Variants in SYNE2 observed in about 807,000 individuals in gnomAD.
The protein encoded by SYNE2 is nesprin-2.
In SYNE2, 431 loss-of-function variants were observed where a neutral mutation model predicts 856.3. That is an observed-to-expected ratio of 0.50 (90% CI 0.47 to 0.55). The LOEUF (loss-of-function observed/expected upper bound fraction) is 0.55, where lower values mean the gene tolerates loss of function less well. Ranked by LOEUF, SYNE2 falls within the 20% of genes least tolerant of loss-of-function variation. SYNE2 has a pLI of 0.00. For synonymous variants in SYNE2, 2,923 were observed against 2,872.3 expected (o/e 1.02, Z -0.56); for missense variants, 8,129 against 8,023.2 (o/e 1.01, Z -0.50).
intron 45 of SYNE2, among the ~76,000 whole-genome samples, chr14:64,037,056 G>A (rs909135912): frequency 2.6e-5 from 4 of 152,102 alleles, no homozygotes; most frequent in African/African-American, 9.7e-5. Flanking sequence ...TTGGAACAGA[G>A]ACTGGAAGTG....
chr14:64,219,296 T>C lies in SYNE2; in HGVS notation c.19746T>C (p.Asp6582=). 1 of 1,614,020 alleles carries C rather than the reference T, an allele frequency of 6.2e-7. No individual in the cohort carries two copies. Among genetic ancestry groups the C allele is most frequent in the Non-Finnish European group, 8.5e-7 (1 of 1,180,008 alleles). The change falls in exon 110 of 116, where the codon GAT becomes GAC. Residue 6582 remains aspartate, a synonymous_variant. Transcript: ENST00000555002. Reference sequence around the variant, plus strand: ...AAAATTTGCAACAGCTGAACTCTGATATCAGCGCCATCACTACTTGGCTGA... The same window carrying C: ...AAAATTTGCAACAGCTGAACTCTGACATCAGCGCCATCACTACTTGGCTGA... ...IKQNLQQLNS[D]ISAITTWLKK...
chr14:64,102,456 AT>A (rs2097738956), intron 64 of SYNE2, among the ~76,000 whole-genome samples: 1 of 141,958 alleles, frequency 7.0e-6, no homozygotes, highest in Non-Finnish European at 1.5e-5. Flanking sequence ...GTAAAGAACT[AT>A]TTTGTTTAAA....
At chr14:63,974,895 T>C (rs1381548589) in intron 11 of SYNE2, among the ~76,000 whole-genome samples, 1 of 32,556 alleles carries the variant, frequency 3.1e-5, no homozygotes, top group East Asian at 1.4e-3. Context: ...TGTGTGTGTA[T>C]ATATATATAT....
At position 64,125,831 on chromosome 14, in the gene SYNE2, A is replaced by T. The variant is rs185849715; in HGVS notation, c.13555-496A>T. Among the ~76,000 whole-genome samples the T allele has an allele frequency of 2.1e-3, 323 of 152,156 alleles. 1 individual carries two copies. The highest frequency in any genetic ancestry group is 3.6e-3 in the Non-Finnish European group (246 of 67,996). On this transcript the variant is annotated intron_variant, in intron 71 of 115. Coordinates refer to ENST00000555002, the MANE Select transcript of SYNE2 (RefSeq NM_182914.3). Reference sequence around the variant, plus strand: ...GATTCTCACAATCGGCTCATAAATGACACTTTCCCCCTCCTCTGCAGCCTG... The same window carrying T: ...GATTCTCACAATCGGCTCATAAATGTCACTTTCCCCCTCCTCTGCAGCCTG...
At chr14:63,786,551 T>C (rs929109792) in intron 1 of SYNE2, among the ~76,000 whole-genome samples, 2 of 152,268 alleles carry the variant, frequency 1.3e-5, no homozygotes, top group East Asian at 3.8e-4. Context: ...TAATTGTTAT[T>C]TCTTGGGTCT....
chr14:64,221,639 A>G lies in SYNE2; in HGVS notation c.20125A>G (p.Lys6709Glu). The change falls in exon 112 of 116, where the codon AAG becomes GAG. Residue 6709 changes from lysine (K) to glutamate (E), a missense_variant. By Grantham distance (56) the Lys-to-Glu change is moderately conservative (BLOSUM62 1). This residue lies in a region of SYNE2 where 5,410 missense variants were observed against 5,284.8 expected (regional missense o/e 1.02). Coordinates refer to ENST00000555002, the MANE Select transcript of SYNE2 (RefSeq NM_182914.3). ...AGCGAGTGCCAAGAACCGGAGGCAG[A>G]AGGCTCATGTCACCGATCCAAAGGC... ...WLASAKNRRQ[K>E]AHVTDPKADP... is the part of the protein sequence containing the mutation. 1 of 1,614,126 alleles carries G rather than the reference A, an allele frequency of 6.2e-7. No homozygotes were observed.
At position 64,017,842 on chromosome 14, in the gene SYNE2, A is replaced by AT; in HGVS notation, c.5049+87dup. On this transcript the variant is annotated intron_variant, in intron 34 of 115. Transcript: ENST00000555002. Reference sequence around the variant, plus strand: ...ATGAATATAGTCAACAAACATTAGGATGCTCATATGTGACTTTGTTATCAA... The same window carrying AT: ...ATGAATATAGTCAACAAACATTAGGATTGCTCATATGTGACTTTGTTATCAA... The AT allele has an allele frequency of 4.5e-6, 6 of 1,321,028 alleles. No homozygotes were observed. In the South Asian group the frequency reaches 6.2e-5, roughly 14 times the overall value. The allele number at this position is 1,321,028 out of a possible 1,614,324, so 81.8% of individuals were successfully genotyped here.
At chr14:63,979,089 A>C (rs972471298) in intron 14 of SYNE2, 75 bp downstream of exon 14, 1 of 1,467,556 alleles carries the variant, frequency 6.8e-7, no homozygotes, top group Non-Finnish European at 9.5e-7. Context: ...CCTTGGCATG[A>C]TTTCCCATTA....
In SYNE2 at chr14:63,842,294, C is replaced by G. The variant is rs150591516; in HGVS notation, c.-304-10207C>G. ...TCAAGCAATTCTTGTGACCCAGACT[C>G]ACGAGTAGCTGGGATCACAGGCTAA... On this transcript the variant is annotated intron_variant, in intron 1 of 23. Transcript: ENST00000674003. Among the ~76,000 whole-genome samples the G allele has an allele frequency of 3.2e-3, 485 of 152,010 alleles. 1 individual carries two copies. The highest frequency in any genetic ancestry group is 0.011 in the African/African-American group (465 of 41,460).
In SYNE2 at chr14:64,024,808, ATAT is replaced by A. The variant is rs146265501; in HGVS notation, c.5841-100_5841-98del. On this transcript the variant is annotated intron_variant, in intron 39 of 115. Coordinates refer to ENST00000555002, the MANE Select transcript of SYNE2 (RefSeq NM_182914.3). ...AAATTCTCTCTAAATTATAACAAAC[ATAT>A]TATAAAAACCTGGTTGAGTCACAAG... 2.3e-3 allele frequency: 2,712 copies of A among 1,178,390 alleles called. 62 individuals are homozygous for A. The East Asian group carries it at 0.037, about 16-fold the overall frequency. 73.0% of individuals were successfully genotyped at this position (1,178,390 alleles called of 1,614,324 possible).
intron 98 of SYNE2, among the ~76,000 whole-genome samples, chr14:64,189,732 C>T (rs955838784): frequency 2.0e-5 from 3 of 152,120 alleles, no homozygotes; most frequent in Non-Finnish European, 4.4e-5. Flanking sequence ...AGTGCAGTGG[C>T]GAGATCATAG....
intron 1 of SYNE2, 141 bp from the exon 2 acceptor site, chr14:63,908,957 C>A: frequency 1.7e-6 from 1 of 584,184 alleles, no homozygotes; most frequent in Non-Finnish European, 3.1e-6. Flanking sequence ...CTTTGTTCTT[C>A]ATGAACCATG....
chr14:63,966,614 A>G (rs997016926), intron 10 of SYNE2, among the ~76,000 whole-genome samples: 49 of 147,746 alleles, frequency 3.3e-4, no homozygotes, highest in Admixed American at 2.1e-4. Context: ...GCTGTAGTGC[A>G]GTGGCCCGAT....
chr14:63,863,689 A>G (rs1403053145), intron 1 of SYNE2, among the ~76,000 whole-genome samples: 1 of 152,180 alleles, frequency 6.6e-6, no homozygotes, highest in Non-Finnish European at 1.5e-5. Flanking sequence ...TTGATAGAAT[A>G]ATGCATATTA....
At chr14:64,198,471 G>A (rs1454784785) in intron 99 of SYNE2, among the ~76,000 whole-genome samples, 2 of 152,208 alleles carry the variant, frequency 1.3e-5, no homozygotes, top group South Asian at 2.1e-4. Context: ...CAGTGCACCT[G>A]ATGAGTCCCA....
chr14:64,172,255 A>G (rs1244286888), intron 94 of SYNE2, among the ~76,000 whole-genome samples: 1 of 152,196 alleles, frequency 6.6e-6, no homozygotes, highest in East Asian at 1.9e-4. Flanking sequence ...AATGACACTC[A>G]TCATTCTGTC....
intron 2 of SYNE2, among the ~76,000 whole-genome samples, chr14:63,928,460 T>C (rs930228815): frequency 3.3e-5 from 5 of 152,260 alleles, no homozygotes; most frequent in African/African-American, 1.2e-4. Context: ...GAGCTTAGTC[T>C]TGGTACTATT....
chr14:63,900,548 C>A (rs1267915448), intron 1 of SYNE2, among the ~76,000 whole-genome samples: 5 of 152,164 alleles, frequency 3.3e-5, no homozygotes, highest in South Asian at 2.1e-4. Flanking sequence ...AATCACCCCC[C>A]ACTAGGTTCC....
intron 96 of SYNE2, among the ~76,000 whole-genome samples, chr14:64,181,539 A>T (rs567183274): frequency 3.9e-5 from 6 of 152,326 alleles, no homozygotes; most frequent in Middle Eastern, 3.4e-3. Flanking sequence ...AGTGGAAAGT[A>T]ATCAGGGAAA....
Sources: allele counts gnomAD v4.1 joint callset (sites outside exome capture counted in the v4.1 genomes callset), GRCh38; gene constraint gnomAD v4.1.1; regional missense constraint gnomAD v4.1.1; transcripts MANE v1.5; gene names NCBI Gene and HGNC (gene_info 2026-07-23, HGNC 2026-07-21).